The following ZNF385D variants were observed in gnomAD, a reference collection of about 807,000 sequenced individuals.
The protein encoded by ZNF385D is zinc finger protein 659.
A neutral mutation model predicts 35.8 loss-of-function variants in ZNF385D; 15 were observed. The ratio of observed to expected loss-of-function variants is 0.42; its 90% CI spans 0.28 to 0.64. The LOEUF is 0.64. ZNF385D is among the 30% of genes least tolerant of loss of function. ZNF385D has a pLI of 0.23. For missense variants in ZNF385D, 474 were observed against 494.6 expected, an observed-to-expected ratio of 0.96 and a Z score of 0.39; for synonymous variants, 212 against 186.8, an observed-to-expected ratio of 1.13 and a Z score of -1.10.
chr3:21,860,064 G>C (rs1284951126), intron 3 of ZNF385D, among the ~76,000 whole-genome samples: 1 of 151,972 alleles, frequency 6.6e-6, no homozygotes, highest in African/African-American at 2.4e-5. Flanking sequence ...CTAAATCACA[G>C]GCTCTTTTAG....
rs963897389 is a variant in ZNF385D at position 21,600,743 on chromosome 3, T to A, written c.166-36059A>T. Among the ~76,000 whole-genome samples, 4 of 151,922 alleles carry A rather than the reference T, an allele frequency of 2.6e-5. No homozygotes were observed. In the South Asian group the frequency reaches 8.3e-4, roughly 32 times the overall value. On this transcript the variant is annotated intron_variant, in intron 2 of 7. Transcript: ENST00000281523. ...CAGTGCAGGTAACAAAAAAATAAGA[T>A]AACAGTGTATTCATAAAAATAGAAA...
intron 2 of ZNF385D, among the ~76,000 whole-genome samples, chr3:22,328,876 C>G (rs1444135452): frequency 1.3e-5 from 2 of 151,852 alleles, no homozygotes; most frequent in African/African-American, 4.8e-5. Flanking sequence ...GAGATCGAGA[C>G]CATCCTGGCT....
intron 2 of ZNF385D, among the ~76,000 whole-genome samples, chr3:22,279,523 TAC>T (rs751321662): frequency 6.9e-6 from 1 of 144,848 alleles, no homozygotes; most frequent in Non-Finnish European, 1.5e-5. Context: ...TATATACATA[TAC>T]ATATGTACAT....
chr3:22,097,765 T>G (rs931453590), intron 3 of ZNF385D, among the ~76,000 whole-genome samples: 23 of 152,016 alleles, frequency 1.5e-4, no homozygotes, highest in Non-Finnish European at 3.1e-4. Context: ...AAGTGTCCCC[T>G]GTGACAGGGA....
At chr3:22,302,252 G>A (rs1312134229) in intron 2 of ZNF385D, among the ~76,000 whole-genome samples, 2 of 151,882 alleles carry the variant, frequency 1.3e-5, no homozygotes, top group East Asian at 1.9e-4. Flanking sequence ...GATGGGTCCT[G>A]GGACTCCACA....
intron 3 of ZNF385D, among the ~76,000 whole-genome samples, chr3:21,558,048 T>G (rs545682744): frequency 6.6e-6 from 1 of 152,220 alleles, no homozygotes; most frequent in African/African-American, 2.4e-5. Context: ...CCCTTTTCTT[T>G]ATTAGTCTGG....
At chr3:21,992,643 G>A (rs544465321) in intron 3 of ZNF385D, among the ~76,000 whole-genome samples, 5 of 152,050 alleles carry the variant, frequency 3.3e-5, no homozygotes, top group African/African-American at 7.2e-5. Flanking sequence ...GCTAAAGTTC[G>A]CATTATTATA....
intron 3 of ZNF385D, among the ~76,000 whole-genome samples, chr3:21,935,162 T>C (rs1701198339): frequency 6.6e-6 from 1 of 152,158 alleles, no homozygotes; most frequent in South Asian, 2.1e-4. Context: ...AAAGAGAGGC[T>C]GTGGAGGAGT....
At chr3:21,912,509 G>A (rs1474886864) in intron 3 of ZNF385D, among the ~76,000 whole-genome samples, 1 of 151,996 alleles carries the variant, frequency 6.6e-6, no homozygotes, top group African/African-American at 2.4e-5. Flanking sequence ...TACAGAGGAA[G>A]CTAAATAAAC....
rs78689644 is a variant in ZNF385D, at chr3:21,659,183, G to T, written c.165+5703C>A. Among the ~76,000 whole-genome samples, 6 of 152,076 alleles carry T rather than the reference G, an allele frequency of 3.9e-5. No individual in the cohort carries two copies. The East Asian group carries it at 1.2e-3, about 29-fold the overall frequency. On this transcript the variant is annotated intron_variant, in intron 2 of 7. Transcript: ENST00000281523. ...AGTGCTTAATAAATGCCCAGTAAGT[G>T]AATCAGTAAAAAATTACCTCTTCTC...
At chr3:21,461,486 T>G (rs1044357501) in intron 4 of ZNF385D, among the ~76,000 whole-genome samples, 41 of 152,130 alleles carry the variant, frequency 2.7e-4, no homozygotes, top group African/African-American at 8.9e-4. Context: ...AGGCAGAGGT[T>G]GCAGTGAGCC....
intron 3 of ZNF385D, among the ~76,000 whole-genome samples, chr3:21,956,490 G>A (rs886274116): frequency 6.6e-6 from 1 of 151,956 alleles, no homozygotes; most frequent in African/African-American, 2.4e-5. Flanking sequence ...ATATGTAAAA[G>A]GGAGACAACT....
intron 1 of ZNF385D, among the ~76,000 whole-genome samples, chr3:21,703,675 AAAT>A (rs2067781679): frequency 1.4e-5 from 2 of 146,162 alleles, no homozygotes; most frequent in South Asian, 2.2e-4. Context: ...AAAAAAAAAA[AAAT>A]GGCATTCTCC....
At chr3:21,854,484 C>T (rs1452875505) in intron 3 of ZNF385D, among the ~76,000 whole-genome samples, 2 of 151,900 alleles carry the variant, frequency 1.3e-5, no homozygotes, top group African/African-American at 4.8e-5. Flanking sequence ...ATAGGCCTTG[C>T]ACTTGGTTTA....
At chr3:22,023,157 T>C (rs1161150853) in intron 3 of ZNF385D, among the ~76,000 whole-genome samples, 3 of 152,146 alleles carry the variant, frequency 2.0e-5, no homozygotes, top group Admixed American at 6.6e-5. Context: ...CCAAATGATA[T>C]GGCTGAATTG....
intron 2 of ZNF385D, among the ~76,000 whole-genome samples, chr3:22,228,770 C>T (rs540572635): frequency 3.9e-5 from 6 of 152,316 alleles, no homozygotes; most frequent in African/African-American, 1.4e-4. Flanking sequence ...GCTGCCAGCA[C>T]AGCTAGAATA....
intron 3 of ZNF385D, among the ~76,000 whole-genome samples, chr3:21,546,778 G>C (rs987296220): frequency 1.3e-5 from 2 of 151,936 alleles, no homozygotes; most frequent in Admixed American, 1.3e-4. Context: ...GAACTCCAAG[G>C]CTACTGGCAG....
At chr3:22,303,183 A>G (rs550326163) in intron 2 of ZNF385D, among the ~76,000 whole-genome samples, 1 of 152,260 alleles carries the variant, frequency 6.6e-6, no homozygotes, top group South Asian at 2.1e-4. Flanking sequence ...AATGAAGACA[A>G]AATATCCAGC....
Position 21,564,560 on chromosome 3 carries a change from A to C in ZNF385D, c.276+14T>G. On this transcript the variant is annotated intron_variant, in intron 3 of 7. Transcript: ENST00000281523. Reference sequence around the variant, plus strand: ...ATTTTTTTTTTTTAAGTGAACACTAAATGATAAACTTACATCAGAATTAAA... The same window carrying C: ...ATTTTTTTTTTTTAAGTGAACACTACATGATAAACTTACATCAGAATTAAA... The C allele has an allele frequency of 6.8e-7, 1 of 1,474,510 alleles. No individual in the cohort carries two copies. The highest frequency in any genetic ancestry group is 2.2e-5 in the Admixed American group (1 of 45,076). The allele number at this position is 1,474,510 out of a possible 1,614,324, so 91.3% of individuals were successfully genotyped here.
Sources: allele counts gnomAD v4.1 joint callset (sites outside exome capture counted in the v4.1 genomes callset), GRCh38; gene constraint gnomAD v4.1.1; transcripts MANE v1.5; gene names NCBI Gene and HGNC (gene_info 2026-07-23, HGNC 2026-07-21).